The following ZNF329 variants were observed in gnomAD, a reference collection of about 807,000 sequenced individuals.
ZNF329 encodes the protein zinc finger protein 329.
Under a neutral mutation model 26.6 loss-of-function variants are expected in ZNF329, and 15 were observed. The observed-to-expected ratio is 0.56, with a 90% CI of 0.38 to 0.87. The LOEUF (loss-of-function observed/expected upper bound fraction) is 0.87. Among genes scored for constraint, ZNF329 ranks in the 40% least tolerant of loss-of-function variants. The pLI, the probability that ZNF329 is intolerant of heterozygous loss-of-function variation, is 0.00. For missense variants in ZNF329, 651 were observed against 651.9 expected (o/e 1.00, Z 0.02); for synonymous variants, 239 against 233.5 (o/e 1.02, Z -0.21).
chr19:58,145,596 A>G (rs1974819), intron 1 of ZNF329, among the ~76,000 whole-genome samples: 20,343 of 152,186 alleles, frequency 0.13, 1,422 homozygotes, highest in Admixed American at 0.18. Flanking sequence ...TGCTGGGATT[A>G]TAGGCGCGAG....
chr19:58,128,809 G>A lies in ZNF329; in HGVS notation c.695C>T (p.Thr232Ile), dbSNP rs775386423. ...HRTHTGEKPYTCNECGKSFSK... is the reference protein window; with the variant it reads ...HRTHTGEKPYICNECGKSFSK... The stretch of plus-strand genomic sequence containing the variant: ...GAAGGACTTTCCACACTCATTACAA[G>A]TATAAGGCTTCTCTCCGGTGTGAGT... Residue 232 changes from threonine (T) to isoleucine (I), a missense_variant, in exon 4 of 4, where the codon ACT (threonine) becomes ATT (isoleucine). Thr to Ile is a moderately conservative substitution (Grantham distance 89, BLOSUM62 -1). Transcript: ENST00000598312. The A allele has an allele frequency of 6.2e-7, 1 of 1,605,006 alleles. No individual in the cohort carries two copies. Among genetic ancestry groups the A allele is most frequent in the Non-Finnish European group, 8.5e-7 (1 of 1,176,214 alleles).
At chr19:58,151,912 A>G (rs766252632), upstream of ZNF329, among the ~76,000 whole-genome samples, 3 of 152,168 alleles carry the variant, frequency 2.0e-5, 1 homozygote, top group Admixed American at 1.3e-4. Context: ...ATCTGACTAC[A>G]TGTTAACACA....
At position 58,129,370 on chromosome 19, in the gene ZNF329, C is replaced by G. The variant is rs747241496; in HGVS notation, c.134G>C (p.Gly45Ala). Residue 45 changes from glycine to alanine, a missense_variant, in exon 4 of 4, where the codon GGA (glycine) becomes GCA (alanine). Gly to Ala is a moderately conservative substitution (Grantham distance 60). Coordinates refer to ENST00000598312, the MANE Select transcript of ZNF329 (RefSeq NM_024620.4). ...GDGWDCENQE[G>A]HLRQSALTLE... The stretch of plus-strand genomic sequence containing the variant: ...AGTTAAAGCTGATTGCCTCAAGTGT[C>G]CCTCCTGGTTCTCACAGTCCCAACC... The G allele has an allele frequency of 8.7e-6, 14 of 1,614,078 alleles. No individual in the cohort carries two copies. The highest frequency in any genetic ancestry group is 1.3e-5 in the African/African-American group (1 of 74,924).
intron 3 of ZNF329, among the ~76,000 whole-genome samples, 183 bp downstream of exon 3, chr19:58,142,374 A>G (rs923192253): frequency 6.6e-6 from 1 of 152,260 alleles, no homozygotes. Context: ...ATTGTATGCT[A>G]TGTGAATTAT....
At position 58,128,050 on chromosome 19, in the gene ZNF329, C is replaced by G. The variant is rs766576176; in HGVS notation, c.1454G>C (p.Cys485Ser). Residue 485 changes from cysteine (C) to serine (S), a missense_variant, in exon 4 of 4, where the codon TGT (cysteine) becomes TCT (serine). By Grantham distance (112) the Cys-to-Ser change is moderately radical. Transcript: ENST00000598312. ...CTTGAAGGACTTCCCACATTCTGGA[C>G]ACTGATATGGGGTCTCCTTAGTGTG... ...RIHTKETPYQ[C>S]PECGKSFKQN... 2 of 1,613,644 alleles carry G rather than the reference C, an allele frequency of 1.2e-6. No homozygotes were observed. Among genetic ancestry groups the G allele is most frequent in the Admixed American group, 1.7e-5 (1 of 59,950 alleles).
At position 58,129,213 on chromosome 19, in the gene ZNF329, ATT is replaced by A. The variant is rs759541754; in HGVS notation, c.289_290del (p.Asn97CysfsTer2). ...CGGGGTCACAATCCAGACCACTAAC[ATT>A]TGAGTCAGGTGCATGGAAACCATTT... ...ATNGFHAPDS[N>X]VSGLDCDPAL... On this transcript the variant is annotated frameshift_variant, in exon 4 of 4. Transcript: ENST00000598312. LOFTEE classifies it high-confidence loss of function. 1 of 1,614,178 alleles carries A rather than the reference ATT, an allele frequency of 6.2e-7. No individual in the cohort carries two copies. Among genetic ancestry groups the A allele is most frequent in the Non-Finnish European group, 8.5e-7 (1 of 1,180,036 alleles).
intron 1 of ZNF329, among the ~76,000 whole-genome samples, chr19:58,146,185 T>C (rs115196978): frequency 0.012 from 1,865 of 151,988 alleles, 46 homozygotes; most frequent in African/African-American, 0.042. Flanking sequence ...AATAATAAAG[T>C]ATCTGGGGCC....
chr19:58,135,991 A>T (rs523073), intron 3 of ZNF329, among the ~76,000 whole-genome samples: 1 of 151,884 alleles, frequency 6.6e-6, no homozygotes. Flanking sequence ...CCAGCACTTT[A>T]GGGGGCAGAG....
At position 58,126,294 on chromosome 19, in the gene ZNF329, G is replaced by A. The variant is rs2074800014; in HGVS notation, c.*1584C>T. ...TATTACCAAATTATTATGCCAACAA[G>A]TATCTGTAACAGAGAAAAAAATATG... On this transcript the variant is annotated 3_prime_UTR_variant, in exon 4 of 4. Coordinates refer to ENST00000598312, the MANE Select transcript of ZNF329 (RefSeq NM_024620.4). The A allele has an allele frequency of 6.6e-6, 1 of 152,062 alleles. No individual in the cohort carries two copies. The allele number at this position is 152,062 out of a possible 1,614,324, so 9.4% of individuals were successfully genotyped here.
upstream of ZNF329, among the ~76,000 whole-genome samples, chr19:58,151,247 C>T (rs936961987): frequency 2.2e-4 from 34 of 152,152 alleles, no homozygotes; most frequent in Admixed American, 2.0e-3. Context: ...ATGAAAACTA[C>T]ACATTTTCAT....
At chr19:58,139,131 G>C (rs913952508) in intron 3 of ZNF329, among the ~76,000 whole-genome samples, 1 of 151,916 alleles carries the variant, frequency 6.6e-6, no homozygotes, top group African/African-American at 2.4e-5. Context: ...TCTCTCTTGG[G>C]GGTAGGGAGG....
chr19:58,128,732 G>T lies in ZNF329; in HGVS notation c.772C>A (p.Pro258Thr), dbSNP rs1276675371. 3.7e-6 allele frequency: 6 copies of T among 1,607,796 alleles called. No homozygotes were observed. Among genetic ancestry groups the T allele is most frequent in the South Asian group, 1.1e-5 (1 of 90,104 alleles). The change falls in exon 4 of 4, where the codon CCC (proline) becomes ACC (threonine). Residue 258 changes from proline to threonine, a missense_variant. Transcript: ENST00000598312. ...TTCCCACATTTACTGCATTCATAGG[G>T]CTTCTCTCCTGTGTGGATTCTTTGA... is the stretch of plus-strand genomic sequence containing the variant. ...VHQRIHTGEK[P>T]YECSKCGKAF...
chr19:58,135,467 T>C (rs965752610), intron 3 of ZNF329, among the ~76,000 whole-genome samples: 4 of 152,138 alleles, frequency 2.6e-5, no homozygotes, highest in Admixed American at 6.6e-5. Flanking sequence ...GGTTTCACCA[T>C]GTTGACCAGG....
intron 1 of ZNF329, among the ~76,000 whole-genome samples, chr19:58,148,778 A>G (rs1335240768): frequency 6.6e-6 from 1 of 152,226 alleles, no homozygotes; most frequent in Non-Finnish European, 1.5e-5. Flanking sequence ...TATCTATAAC[A>G]TACTTCCAGT....
intron 1 of ZNF329, among the ~76,000 whole-genome samples, chr19:58,145,328 T>C (rs2075284658): frequency 6.9e-6 from 1 of 145,090 alleles, no homozygotes. Context: ...TTTTTTTTTT[T>C]TTTTTTTTTT....
chr19:58,139,782 C>G (rs1600076737), intron 3 of ZNF329, among the ~76,000 whole-genome samples: 1 of 152,048 alleles, frequency 6.6e-6, no homozygotes, highest in African/African-American at 2.4e-5. Context: ...AAATGATGAT[C>G]AATATCATTA....
intron 1 of ZNF329, among the ~76,000 whole-genome samples, chr19:58,149,557 C>T (rs1042893556): frequency 6.6e-6 from 1 of 152,012 alleles, no homozygotes; most frequent in African/African-American, 2.4e-5. Flanking sequence ...AACTTCTATG[C>T]AAATGCGGAA....
intron 3 of ZNF329, among the ~76,000 whole-genome samples, chr19:58,137,809 CAAAA>C (rs72295173): frequency 3.5e-4 from 27 of 76,270 alleles, no homozygotes; most frequent in Middle Eastern, 7.1e-3. Context: ...ACAAAAAATA[CAAAA>C]AAAAAAAAAA....
chr19:58,136,684 C>CAAAAAAAAAAAAAAAA (rs56293356), intron 3 of ZNF329: 1 of 88,700 alleles, frequency 1.1e-5, no homozygotes, highest in African/African-American at 5.0e-5. Flanking sequence ...AGACTGTCTC[C>CAAAAAAAAAAAAAAAA]AAAAAAAAAA....
Sources: allele counts gnomAD v4.1 joint callset (sites outside exome capture counted in the v4.1 genomes callset), GRCh38; gene constraint gnomAD v4.1.1; transcripts MANE v1.5; gene names NCBI Gene and HGNC (gene_info 2026-07-23, HGNC 2026-07-21).